Variants in STAG2 observed in about 807,000 individuals in gnomAD.
STAG2 encodes the protein STAG2 cohesin complex component.
In STAG2, 14 loss-of-function variants were observed where a neutral mutation model predicts 108.1. The observed-to-expected ratio is 0.13, with a 90% CI of 0.09 to 0.20. The LOEUF is 0.20. STAG2 is among the 10% of genes least tolerant of loss of function. STAG2 has a pLI of 1.00. For synonymous variants in STAG2, 307 were observed against 302.7 expected, an observed-to-expected ratio of 1.01 and a Z score of -0.15; for missense variants, 440 against 940.9, an observed-to-expected ratio of 0.47 and a Z score of 6.96.
At chrX:123,989,698 G>A (rs1194365884) in intron 1 of STAG2, among the ~76,000 whole-genome samples, 1 of 105,970 alleles carries the variant, frequency 9.4e-6, no homozygotes, top group Non-Finnish European at 1.9e-5. Flanking sequence ...TCCGCCTCCC[G>A]TGTTCAAGCA....
chrX:123,995,586 C>T (rs1223202577), intron 1 of STAG2, among the ~76,000 whole-genome samples: 3 of 110,098 alleles, frequency 2.7e-5, no homozygotes, highest in African/African-American at 9.9e-5. Context: ...CCCAGCTACT[C>T]GGGAGGCTGA....
chrX:123,966,464 A>G (rs781197350), intron 1 of STAG2, among the ~76,000 whole-genome samples: 3 of 110,878 alleles, frequency 2.7e-5, no homozygotes, highest in African/African-American at 9.8e-5. Context: ...CGTTTAAAAA[A>G]AAAAAAAGTT....
Position 124,043,435 on chromosome X carries a change from G to A in STAG2, c.462+790G>A, listed in dbSNP as rs982993872. Among the ~76,000 whole-genome samples, 3 of 111,470 alleles carry A rather than the reference G, an allele frequency of 2.7e-5. No individual in the cohort carries two copies. The Admixed American group carries it at 2.8e-4, about 11-fold the overall frequency. Reference sequence around the variant, plus strand: ...CAAAGTGCGGGGATTACAGCAGGTAGGCGCCACTGCATCTGGCCAGTATCA... The same window carrying A: ...CAAAGTGCGGGGATTACAGCAGGTAAGCGCCACTGCATCTGGCCAGTATCA... On this transcript the variant is annotated intron_variant, in intron 7 of 34. Coordinates refer to ENST00000371145, the MANE Select transcript of STAG2 (RefSeq NM_001042750.2).
intron 1 of STAG2, among the ~76,000 whole-genome samples, chrX:123,998,656 A>G (rs1305271156): frequency 9.2e-6 from 1 of 109,220 alleles, no homozygotes; most frequent in Non-Finnish European, 1.9e-5. Flanking sequence ...TGGCCTTCGT[A>G]ATAGATATGA....
intron 30 of STAG2, among the ~76,000 whole-genome samples, chrX:124,087,171 A>G (rs1490168965): frequency 8.9e-6 from 1 of 111,982 alleles, no homozygotes; most frequent in East Asian, 2.8e-4. Context: ...GGAACAACAG[A>G]TTCAGAGAGG....
At chrX:124,019,609 A>C (rs2056858550) in intron 1 of STAG2, among the ~76,000 whole-genome samples, 1 of 111,320 alleles carries the variant, frequency 9.0e-6, no homozygotes, top group Non-Finnish European at 1.9e-5. Flanking sequence ...TTTTTCTATC[A>C]GACCCTGACA....
chrX:124,054,291 T>A (rs2058129512), intron 13 of STAG2, among the ~76,000 whole-genome samples: 1 of 112,158 alleles, frequency 8.9e-6, no homozygotes, highest in African/African-American at 3.2e-5. Flanking sequence ...ATAATTTCAT[T>A]TAATACTGCA....
At chrX:124,100,335 G>A (rs1031339083) in intron 34 of STAG2, among the ~76,000 whole-genome samples, 4 of 110,638 alleles carry the variant, frequency 3.6e-5, no homozygotes, top group African/African-American at 1.3e-4. Flanking sequence ...ATTAATCCAA[G>A]GTTCCTACTT....
At chrX:123,986,988 A>G in intron 1 of STAG2, among the ~76,000 whole-genome samples, 1 of 109,154 alleles carries the variant, frequency 9.2e-6, no homozygotes, top group East Asian at 2.9e-4. Flanking sequence ...TACTTAAAAA[A>G]AAATTTTTTT....
chrX:124,005,855 G>C (rs2056261331), intron 1 of STAG2, among the ~76,000 whole-genome samples: 1 of 111,432 alleles, frequency 9.0e-6, no homozygotes, highest in Non-Finnish European at 1.9e-5. Flanking sequence ...GGCAGGGTTA[G>C]TTCCTTCTGA....
chrX:123,980,754 A>T (rs1280602716), intron 1 of STAG2, among the ~76,000 whole-genome samples: 1 of 111,993 alleles, frequency 8.9e-6, no homozygotes, highest in Non-Finnish European at 1.9e-5. Flanking sequence ...CAACATTGGT[A>T]TTAGTGTGGC....
At chrX:124,054,379 A>G (rs1049129999) in intron 13 of STAG2, among the ~76,000 whole-genome samples, 1 of 112,233 alleles carries the variant, frequency 8.9e-6, no homozygotes, top group African/African-American at 3.2e-5. Flanking sequence ...AGGCAGTTCT[A>G]CAGATATTGA....
Position 124,095,431 on chromosome X carries a change from T to C in STAG2, c.3765T>C (p.Ala1255=). 8.3e-7 allele frequency: 1 copy of C among 1,204,478 alleles called. No individual in the cohort carries two copies. The highest frequency in any genetic ancestry group is 1.8e-5 in the South Asian group (1 of 56,823). ...TGAAGCCTGATTTCTTTGATCCAGC[T>C]TCAATTATGGATGAATCAGTAGGTT... ...TELKPDFFDP[A]SIMDESVLGV... Residue 1255 remains alanine (A), a synonymous_variant, in exon 34 of 35, where the codon GCT becomes GCC. Coordinates refer to ENST00000371145, the MANE Select transcript of STAG2 (RefSeq NM_001042750.2).
intron 13 of STAG2, among the ~76,000 whole-genome samples, chrX:124,053,700 T>C (rs1438922796): frequency 9.0e-6 from 1 of 111,722 alleles, no homozygotes; most frequent in Non-Finnish European, 1.9e-5. Flanking sequence ...AATGACCATG[T>C]AAGGCTTTCA....
chrX:124,071,352 T>C, intron 25 of STAG2, 29 bp downstream of exon 25: 1 of 1,090,197 alleles, frequency 9.2e-7, no homozygotes, highest in Non-Finnish European at 1.2e-6. Context: ...TTTTATTAAA[T>C]CTGTGTCCAC....
chrX:124,018,808 T>A lies in STAG2; in HGVS notation c.-162-2559T>A, dbSNP rs768604287. 8.1e-5 allele frequency among the ~76,000 whole-genome samples: 9 copies of A among 110,992 alleles called. No homozygotes were observed. The South Asian group carries it at 3.4e-3, about 42-fold the overall frequency. Reference sequence around the variant, plus strand: ...GAGCCATCATGCATGGCCTGCAAATTGTATTTATATGCAGCTGTAGACATT... The same window carrying A: ...GAGCCATCATGCATGGCCTGCAAATAGTATTTATATGCAGCTGTAGACATT... On this transcript the variant is annotated intron_variant, in intron 1 of 34. Coordinates refer to ENST00000371145, the MANE Select transcript of STAG2 (RefSeq NM_001042750.2).
chrX:124,053,095 G>T lies in STAG2; in HGVS notation c.1196+1701G>T, dbSNP rs1438232703. Among the ~76,000 whole-genome samples the T allele has an allele frequency of 3.6e-5, 4 of 111,865 alleles. No homozygotes were observed. In the Admixed American group the frequency reaches 3.8e-4, roughly 11 times the overall value. On this transcript the variant is annotated intron_variant, in intron 13 of 34. Coordinates refer to ENST00000371145, the MANE Select transcript of STAG2 (RefSeq NM_001042750.2). ...GCCTCCCAAAGTGCTGGGATTACAG[G>T]CATGAGCTACCACACCCAGCCAAGA...
At chrX:124,061,747 T>C (rs1417596430) in intron 16 of STAG2, 24 bp from the exon 17 acceptor site, 1 of 564,820 alleles carries the variant, frequency 1.8e-6, no homozygotes, top group Non-Finnish European at 2.3e-6. Context: ...TTCTGACTTT[T>C]TTTTTTTTTT....
At chrX:124,049,366 A>G (rs1044321620) in intron 10 of STAG2, among the ~76,000 whole-genome samples, 1 of 111,685 alleles carries the variant, frequency 9.0e-6, no homozygotes, top group South Asian at 3.8e-4. Context: ...TGGATGCACT[A>G]TGTTAGTAGA....
Sources: gnomAD v4.1 joint callset for allele counts (sites outside exome capture counted in the v4.1 genomes callset) on GRCh38, gnomAD v4.1.1 for gene constraint, MANE v1.5 for transcripts, NCBI Gene and HGNC (gene_info 2026-07-23, HGNC 2026-07-21) for gene names.